MTFR1: variants seen among roughly 807,000 people sequenced by gnomAD.
MTFR1 encodes the protein mitochondrial fission regulator 1, also known as chondrocyte protein with a poly-proline region.
In MTFR1, 28 loss-of-function variants were observed where a neutral mutation model predicts 38.8. The ratio of observed to expected loss-of-function variants is 0.72; its 90% CI spans 0.53 to 0.99. The LOEUF is 0.99. MTFR1 is among the 50% of genes least tolerant of loss of function. The pLI, the probability that MTFR1 is intolerant of heterozygous loss-of-function variation, is 0.00. For missense variants in MTFR1, 358 were observed against 395.5 expected (o/e 0.91, Z 0.81); for synonymous variants, 145 against 137.0 (o/e 1.06, Z -0.41).
chr8:65,766,796 G>A (rs1808808478), intron 3 of MTFR1, among the ~76,000 whole-genome samples: 1 of 152,154 alleles, frequency 6.6e-6, no homozygotes. Flanking sequence ...GAATGAAAGG[G>A]CATCAAGAAT....
At chr8:65,763,008 TGTGTGTGTGTGTG>T (rs1808587806) in intron 3 of MTFR1, among the ~76,000 whole-genome samples, 1 of 146,080 alleles carries the variant, frequency 6.8e-6, no homozygotes, top group Non-Finnish European at 1.5e-5. Flanking sequence ...TGTGTGTGTG[TGTGTGTGTGTGTG>T]TGTGTGTGTG....
chr8:65,663,926 C>T (rs1000043727), intron 1 of MTFR1, among the ~76,000 whole-genome samples: 7 of 150,390 alleles, frequency 4.7e-5, no homozygotes, highest in Admixed American at 2.7e-4. Context: ...CTCCTGGGCT[C>T]AGACGATTCT....
chr8:65,684,798 A>G (rs1224860276), intron 3 of MTFR1, among the ~76,000 whole-genome samples: 1 of 150,934 alleles, frequency 6.6e-6, no homozygotes, highest in African/African-American at 2.4e-5. Flanking sequence ...TGAGGTTGGG[A>G]GTTCGAGACC....
chr8:65,649,034 TAAC>T (rs1249422009), intron 1 of MTFR1, among the ~76,000 whole-genome samples: 2 of 151,640 alleles, frequency 1.3e-5, no homozygotes, highest in African/African-American at 4.8e-5. Context: ...AATGATAAAA[TAAC>T]AATATGACAA....
chr8:65,679,153 A>G (rs1326143293), intron 2 of MTFR1, among the ~76,000 whole-genome samples: 3 of 152,202 alleles, frequency 2.0e-5, no homozygotes, highest in African/African-American at 7.2e-5. Flanking sequence ...AGACTGTCTA[A>G]TTGTCACGTT....
chr8:65,755,644 A>C (rs753764318), intron 3 of MTFR1, among the ~76,000 whole-genome samples: 29 of 152,224 alleles, frequency 1.9e-4, no homozygotes, highest in Non-Finnish European at 3.2e-4. Context: ...ATATAAGTAA[A>C]AGAGGTGTTA....
chr8:65,770,908 C>A, intron 3 of MTFR1: 1 of 176,524 alleles, frequency 5.7e-6, no homozygotes, highest in Non-Finnish European at 1.2e-5. Context: ...TTTCTGTGCT[C>A]AACTGATTTT....
rs1806637383 is a variant in MTFR1 at position 65,726,947 on chromosome 8, T to C, written c.*48+7466T>C. ...GCCCACTGCAGATCTCCAGTGGTGATTTTCCAGTACTGAGGTATTCTACAA... is the reference window on the plus strand; with the variant it reads ...GCCCACTGCAGATCTCCAGTGGTGACTTTCCAGTACTGAGGTATTCTACAA... On this transcript the variant is annotated intron_variant, in intron 3 of 3. Coordinates refer to the MTFR1 transcript ENST00000521247. The C allele has an allele frequency of 1.9e-6, 3 of 1,600,292 alleles. No homozygotes were observed. The Admixed American group carries it at 5.0e-5, about 27-fold the overall frequency.
chr8:65,644,205 C>G (rs965785362), upstream of MTFR1, among the ~76,000 whole-genome samples: 3 of 152,130 alleles, frequency 2.0e-5, no homozygotes, highest in East Asian at 3.9e-4. Context: ...TCGGACTGAA[C>G]AGACGCTGGA....
chr8:65,751,695 T>C (rs1018834312), intron 3 of MTFR1, among the ~76,000 whole-genome samples: 12 of 152,226 alleles, frequency 7.9e-5, no homozygotes, highest in African/African-American at 2.4e-4. Flanking sequence ...TTTCTCCATG[T>C]TGGTCAGGCT....
At chr8:65,717,881 G>A (rs1051007141) in intron 2 of MTFR1, 5 of 152,030 alleles carry the variant, frequency 3.3e-5, no homozygotes, top group East Asian at 1.9e-4. Flanking sequence ...AGAAAGCACC[G>A]GTTTCTCTTA....
chr8:65,704,674 A>G lies in MTFR1; in HGVS notation c.282-20A>G, dbSNP rs760339334. ...TCTCTTACAAAGCCTGTGACAGCCCACCTTATGTCTTCCTTGCAGGACAGA... is the reference window on the plus strand; with the variant it reads ...TCTCTTACAAAGCCTGTGACAGCCCGCCTTATGTCTTCCTTGCAGGACAGA... On this transcript the variant is annotated intron_variant, in intron 4 of 7. Coordinates refer to ENST00000262146, the MANE Select transcript of MTFR1 (RefSeq NM_014637.4). 4.4e-6 allele frequency: 7 copies of G among 1,608,074 alleles called. No homozygotes were observed. Among genetic ancestry groups the G allele is most frequent in the Non-Finnish European group, 6.0e-6 (7 of 1,174,956 alleles).
intron 3 of MTFR1, chr8:65,726,927 C>T: frequency 6.2e-7 from 1 of 1,609,350 alleles, no homozygotes; most frequent in East Asian, 2.2e-5. Context: ...AATAAGCCCA[C>T]TGCAGATCTC....
At chr8:65,739,382 C>A in intron 3 of MTFR1, 3 of 1,133,474 alleles carry the variant, frequency 2.6e-6, no homozygotes, top group Non-Finnish European at 3.5e-6. Context: ...TTGTTTTAAG[C>A]CACTAATTTT....
intron 2 of MTFR1, among the ~76,000 whole-genome samples, chr8:65,715,751 C>T (rs1287302012): frequency 2.7e-5 from 4 of 147,416 alleles, no homozygotes; most frequent in South Asian, 2.2e-4. Context: ...TATGGGAGGC[C>T]GAGGCGGGCG....
chr8:65,703,419 G>GTT (rs553260839), intron 4 of MTFR1, among the ~76,000 whole-genome samples: 3,468 of 50,826 alleles, frequency 0.068, 921 homozygotes, highest in Non-Finnish European at 0.083. Context: ...GATGTCTCTG[G>GTT]TTTTTTTTTT....
chr8:65,706,920 A>G, intron 5 of MTFR1, 90 bp from the exon 6 acceptor site: 1 of 1,445,516 alleles, frequency 6.9e-7, no homozygotes, highest in Admixed American at 2.3e-5. Flanking sequence ...TAGGGGTACA[A>G]AAATCTTTAA....
chr8:65,662,144 C>T (rs920957898), intron 1 of MTFR1, among the ~76,000 whole-genome samples: 2 of 151,118 alleles, frequency 1.3e-5, no homozygotes, highest in Non-Finnish European at 3.0e-5. Flanking sequence ...CCCTCTGATG[C>T]CGAGCGGAAG....
chr8:65,750,514 C>CTG (rs1300141964), intron 3 of MTFR1, among the ~76,000 whole-genome samples: 3 of 101,018 alleles, frequency 3.0e-5, no homozygotes, highest in Non-Finnish European at 4.5e-5. Flanking sequence ...CTGTGTGTGT[C>CTG]TGTGTGTGTG....
Sources: allele counts gnomAD v4.1 joint callset (sites outside exome capture counted in the v4.1 genomes callset), GRCh38; gene constraint gnomAD v4.1.1; transcripts MANE v1.5; gene names NCBI Gene and HGNC (gene_info 2026-07-23, HGNC 2026-07-21).